Variants in BTRC observed in about 807,000 individuals in gnomAD.
BTRC encodes the protein F-box/WD repeat-containing protein 1A.
A neutral mutation model predicts 85.5 loss-of-function variants in BTRC; 42 were observed. The ratio of observed to expected loss-of-function variants is 0.49; its 90% CI spans 0.38 to 0.64. The LOEUF is 0.64. Among genes scored for constraint, BTRC ranks in the 30% least tolerant of loss-of-function variants. The probability of loss-of-function intolerance (pLI) is 0.00; values close to 1 mark genes in which losing one functional copy is unlikely to be tolerated. For synonymous variants in BTRC, 255 were observed against 263.3 expected, an observed-to-expected ratio of 0.97 and a Z score of 0.30; for missense variants, 594 against 743.5, an observed-to-expected ratio of 0.80 and a Z score of 2.34.
chr10:101,386,664 C>T (rs931830662), intron 1 of BTRC, among the ~76,000 whole-genome samples: 4 of 152,174 alleles, frequency 2.6e-5, no homozygotes, highest in African/African-American at 9.7e-5. Flanking sequence ...ACTTGTTTGA[C>T]TTGCCAGTGT....
At chr10:101,414,470 CTA>C (rs1447840886) in intron 1 of BTRC, among the ~76,000 whole-genome samples, 8 of 152,054 alleles carry the variant, frequency 5.3e-5, no homozygotes, top group African/African-American at 1.9e-4. Flanking sequence ...TAATAAACAA[CTA>C]TGTTACTGGT....
At chr10:101,507,439 G>A (rs1291879310) in intron 4 of BTRC, among the ~76,000 whole-genome samples, 2 of 152,164 alleles carry the variant, frequency 1.3e-5, no homozygotes, top group Non-Finnish European at 2.9e-5. Flanking sequence ...GCTCTGTGCC[G>A]CTCCGATCCG....
In BTRC at chr10:101,415,705, C is replaced by A. The variant is rs181581287; in HGVS notation, c.49-14640C>A. 6.0e-5 allele frequency among the ~76,000 whole-genome samples: 9 copies of A among 150,858 alleles called. No homozygotes were observed. In the East Asian group the frequency reaches 1.8e-3, roughly 30 times the overall value. ...TACAGGCATGCGCCACCATGCCTGG[C>A]TAATTTTGTATTTTTAGTAGAGACA... On this transcript the variant is annotated intron_variant, in intron 1 of 14. Coordinates refer to ENST00000370187, the MANE Select transcript of BTRC (RefSeq NM_033637.4).
At chr10:101,407,958 A>G (rs1182764191) in intron 1 of BTRC, among the ~76,000 whole-genome samples, 1 of 149,622 alleles carries the variant, frequency 6.7e-6, no homozygotes, top group East Asian at 2.0e-4. Context: ...TCTTGACCTC[A>G]TGATCTGCCC....
At chr10:101,456,483 C>T (rs1054416228) in intron 2 of BTRC, among the ~76,000 whole-genome samples, 1 of 152,056 alleles carries the variant, frequency 6.6e-6, no homozygotes, top group Non-Finnish European at 1.5e-5. Flanking sequence ...AAGAGCTGAC[C>T]TAGAAATGAG....
At chr10:101,535,900 G>A (rs961688768) in intron 11 of BTRC, among the ~76,000 whole-genome samples, 2 of 152,130 alleles carry the variant, frequency 1.3e-5, no homozygotes, top group Non-Finnish European at 2.9e-5. Flanking sequence ...ACATAGATAT[G>A]ATTATAATTT....
At chr10:101,383,769 G>A (rs1464534866) in intron 1 of BTRC, among the ~76,000 whole-genome samples, 1 of 152,328 alleles carries the variant, frequency 6.6e-6, no homozygotes, top group East Asian at 1.9e-4. Context: ...TTTGATGAAT[G>A]TTGGGAAAAT....
At position 101,538,353 on chromosome 10, in the gene BTRC, C is replaced by A; in HGVS notation, c.1638C>A (p.Leu546=). The A allele has an allele frequency of 6.2e-7, 1 of 1,613,820 alleles. No individual in the cohort carries two copies. The highest frequency in any genetic ancestry group is 8.5e-7 in the Non-Finnish European group (1 of 1,179,742). ...ALDPRAPAGT[L]CLRTLVEHSG... is the part of the protein sequence containing the mutation. ...ACCCCCGTGCTCCTGCAGGGACACTCTGTCTACGGACCCTTGTGGTAAGAG... is the reference window on the plus strand; with the variant it reads ...ACCCCCGTGCTCCTGCAGGGACACTATGTCTACGGACCCTTGTGGTAAGAG... The change falls in exon 13 of 15, where the codon CTC becomes CTA. Residue 546 remains leucine, a synonymous_variant. Coordinates refer to ENST00000370187, the MANE Select transcript of BTRC (RefSeq NM_033637.4).
At chr10:101,497,774 C>T (rs1254953125) in intron 4 of BTRC, among the ~76,000 whole-genome samples, 1 of 152,082 alleles carries the variant, frequency 6.6e-6, no homozygotes, top group Non-Finnish European at 1.5e-5. Flanking sequence ...GTAATCCCAG[C>T]ACTTTGGGAG....
chr10:101,400,432 A>G (rs902256827), intron 1 of BTRC, among the ~76,000 whole-genome samples: 2 of 152,136 alleles, frequency 1.3e-5, no homozygotes, highest in African/African-American at 2.4e-5. Context: ...GGATCCTTTC[A>G]TGAGTGGAGT....
At chr10:101,479,526 A>G in intron 4 of BTRC, 69 bp downstream of exon 4, 1 of 1,247,394 alleles carries the variant, frequency 8.0e-7, no homozygotes, top group Non-Finnish European at 1.2e-6. Context: ...AGGCATCTTT[A>G]CTCAGTATTG....
At chr10:101,508,913 T>TAAAAAAAAAAAAA (rs59998718) in intron 4 of BTRC, among the ~76,000 whole-genome samples, 4,053 of 101,498 alleles carry the variant, frequency 0.04, 155 homozygotes, top group Non-Finnish European at 0.058. Flanking sequence ...GACTCCATCT[T>TAAAAAAAAAAAAA]AAAAAAAAAA....
chr10:101,493,322 G>C (rs542343811), intron 4 of BTRC, among the ~76,000 whole-genome samples: 3 of 152,336 alleles, frequency 2.0e-5, no homozygotes, highest in Non-Finnish European at 4.4e-5. Flanking sequence ...TTTATTGAAT[G>C]TTTATGATGT....
chr10:101,448,585 G>A (rs569555528), intron 2 of BTRC, among the ~76,000 whole-genome samples: 16 of 152,164 alleles, frequency 1.1e-4, no homozygotes, highest in Admixed American at 9.8e-4. Flanking sequence ...TGGCTACTTA[G>A]AGACCCATGA....
chr10:101,479,385 C>T lies in BTRC; in HGVS notation c.252C>T (p.Ala84=), dbSNP rs764869582. Residue 84 remains alanine (A), a synonymous_variant, in exon 4 of 15, where the codon GCC becomes GCT. Coordinates refer to ENST00000370187, the MANE Select transcript of BTRC (RefSeq NM_033637.4). ...NSLRQTYNSC[A]RLCLNQETVC... ...CTTTACAGACATACAACAGCTGTGC[C>T]AGACTCTGCTTAAACCAAGAAACAG... is the stretch of plus-strand genomic sequence containing the variant. 1.2e-6 allele frequency: 2 copies of T among 1,613,018 alleles called. No homozygotes were observed. The highest frequency in any genetic ancestry group is 8.5e-7 in the Non-Finnish European group (1 of 1,179,288).
chr10:101,411,526 C>T (rs1943778291), intron 1 of BTRC, among the ~76,000 whole-genome samples: 1 of 152,120 alleles, frequency 6.6e-6, no homozygotes, highest in Non-Finnish European at 1.5e-5. Flanking sequence ...TTTATTTTTG[C>T]TTCCTCGGGT....
At chr10:101,376,979 C>T (rs1942806197) in intron 1 of BTRC, among the ~76,000 whole-genome samples, 1 of 152,054 alleles carries the variant, frequency 6.6e-6, no homozygotes, top group African/African-American at 2.4e-5. Context: ...TTAATGTACA[C>T]AGTTTTAGGA....
chr10:101,542,740 T>A (rs1053616463), intron 13 of BTRC, among the ~76,000 whole-genome samples: 1 of 152,038 alleles, frequency 6.6e-6, no homozygotes, highest in African/African-American at 2.4e-5. Flanking sequence ...TCCAGCTAAT[T>A]TTTTTGTATT....
chr10:101,455,853 T>G (rs1007655566), intron 2 of BTRC, among the ~76,000 whole-genome samples: 3 of 152,044 alleles, frequency 2.0e-5, no homozygotes, highest in Non-Finnish European at 4.4e-5. Context: ...AGAATGATGA[T>G]TCTAATGGCC....
Sources: allele counts gnomAD v4.1 joint callset (sites outside exome capture counted in the v4.1 genomes callset), GRCh38; gene constraint gnomAD v4.1.1; transcripts MANE v1.5; gene names NCBI Gene and HGNC (gene_info 2026-07-23, HGNC 2026-07-21).